The following SLC2A9 variants were observed in gnomAD, a reference collection of about 807,000 sequenced individuals.
SLC2A9 encodes solute carrier family 2, facilitated glucose transporter member 9.
Under a neutral mutation model 50.6 loss-of-function variants are expected in SLC2A9, and 39 were observed. The ratio of observed to expected loss-of-function variants is 0.77; its 90% CI spans 0.60 to 1.01. The LOEUF is 1.01. SLC2A9 is among the 50% of genes least tolerant of loss of function. The pLI is 0.00. For synonymous variants in SLC2A9, 324 were observed against 276.9 expected, an observed-to-expected ratio of 1.17 and a Z score of -1.69; for missense variants, 686 against 677.6, an observed-to-expected ratio of 1.01 and a Z score of -0.14.
intron 7 of SLC2A9, among the ~76,000 whole-genome samples, chr4:9,909,200 T>C (rs1454360058): frequency 1.3e-5 from 2 of 152,356 alleles, no homozygotes; most frequent in Non-Finnish European, 2.9e-5. Context: ...GTTTAGATGC[T>C]GGACCAGGAA....
chr4:9,784,542 A>C (rs941179764), intron 3 of SLC2A9, among the ~76,000 whole-genome samples: 6 of 152,240 alleles, frequency 3.9e-5, no homozygotes, highest in African/African-American at 1.2e-4. Context: ...GGACAATAGC[A>C]AATAGGGAAA....
intron 5 of SLC2A9, among the ~76,000 whole-genome samples, chr4:9,966,370 T>G (rs1753054216): frequency 6.6e-6 from 1 of 152,180 alleles, no homozygotes; most frequent in African/African-American, 2.4e-5. Context: ...ATAAACACAC[T>G]GGAGGCTGGG....
intron 6 of SLC2A9, among the ~76,000 whole-genome samples, chr4:9,926,580 A>C (rs896169304): frequency 1.3e-5 from 2 of 151,870 alleles, no homozygotes; most frequent in Non-Finnish European, 2.9e-5. Flanking sequence ...ACTGTGGGGT[A>C]CTTGCTACAT....
At chr4:9,875,885 T>G (rs1402908820) in intron 10 of SLC2A9, among the ~76,000 whole-genome samples, 1 of 152,200 alleles carries the variant, frequency 6.6e-6, no homozygotes, top group Non-Finnish European at 1.5e-5. Context: ...GCACTGGGCA[T>G]TGCCCTGTAA....
intron 10 of SLC2A9, among the ~76,000 whole-genome samples, chr4:9,886,816 C>A (rs780851461): frequency 6.6e-6 from 1 of 152,278 alleles, no homozygotes; most frequent in Non-Finnish European, 1.5e-5. Flanking sequence ...GCTGGAGGTC[C>A]CTGCTGGACG....
chr4:9,902,165 C>T (rs1416506661), intron 8 of SLC2A9, among the ~76,000 whole-genome samples: 1 of 152,176 alleles, frequency 6.6e-6, no homozygotes, highest in Non-Finnish European at 1.5e-5. Context: ...CAACTGCCCC[C>T]GTCTCTCCAT....
chr4:9,859,850 C>T (rs1422861801), intron 10 of SLC2A9, among the ~76,000 whole-genome samples: 1 of 152,212 alleles, frequency 6.6e-6, no homozygotes, highest in Non-Finnish European at 1.5e-5. Context: ...ACCGGCAGCC[C>T]CAGGTGTGCT....
At chr4:9,787,159 A>G (rs1363572823) in intron 3 of SLC2A9, among the ~76,000 whole-genome samples, 5 of 152,362 alleles carry the variant, frequency 3.3e-5, no homozygotes, top group African/African-American at 1.2e-4. Flanking sequence ...GTATTACACA[A>G]AACACATGCC....
downstream of SLC2A9, among the ~76,000 whole-genome samples, chr4:9,822,600 T>C (rs901035793): frequency 2.6e-5 from 4 of 152,216 alleles, no homozygotes; most frequent in Non-Finnish European, 5.9e-5. Flanking sequence ...TTCTTGCACA[T>C]AGCATATAGA....
At chr4:10,018,874 G>A in intron 2 of SLC2A9, 101 bp downstream of exon 2, 3 of 1,176,924 alleles carry the variant, frequency 2.5e-6, no homozygotes, top group Non-Finnish European at 3.6e-6. Flanking sequence ...GTCCCGCGCC[G>A]CGAGCGCAAC....
At chr4:9,818,447 G>T (rs186381772) in intron 3 of SLC2A9, among the ~76,000 whole-genome samples, 2 of 152,212 alleles carry the variant, frequency 1.3e-5, no homozygotes, top group Non-Finnish European at 1.5e-5. Context: ...TTGCAATAGC[G>T]GAGACAGCTT....
At chr4:9,941,883 G>T in intron 6 of SLC2A9, 30 bp downstream of exon 6, 1 of 1,613,544 alleles carries the variant, frequency 6.2e-7, no homozygotes. Flanking sequence ...GCAGGGGCTG[G>T]AGCTGTGCAG....
intron 10 of SLC2A9, among the ~76,000 whole-genome samples, chr4:9,836,457 C>T (rs1355919983): frequency 2.6e-5 from 4 of 152,046 alleles, no homozygotes; most frequent in South Asian, 2.1e-4. Flanking sequence ...GGATTGAAGA[C>T]GGGAAGGTGG....
At chr4:9,824,197 C>G (rs1228469916), downstream of SLC2A9, among the ~76,000 whole-genome samples, 2 of 152,090 alleles carry the variant, frequency 1.3e-5, no homozygotes, top group Non-Finnish European at 2.9e-5. Flanking sequence ...ACAAACTTAG[C>G]CGCCTCACCA....
chr4:9,913,699 G>C (rs1742329022), intron 7 of SLC2A9, among the ~76,000 whole-genome samples: 1 of 152,176 alleles, frequency 6.6e-6, no homozygotes, highest in Admixed American at 6.5e-5. Flanking sequence ...GGAAGCTGGA[G>C]ATGTGTCTGC....
chr4:9,839,342 T>C (rs1727631305), intron 10 of SLC2A9, among the ~76,000 whole-genome samples: 1 of 152,126 alleles, frequency 6.6e-6, no homozygotes, highest in Non-Finnish European at 1.5e-5. Context: ...TAACAGATAC[T>C]GGCTGGGTTG....
At chr4:9,913,334 A>T (rs143324366) in intron 7 of SLC2A9, among the ~76,000 whole-genome samples, 2,342 of 119,164 alleles carry the variant, frequency 0.02, 38 homozygotes, top group African/African-American at 0.056. Flanking sequence ...TGTGTGTGAG[A>T]GAGAGAGAGA....
intron 3 of SLC2A9, among the ~76,000 whole-genome samples, chr4:9,791,711 A>T (rs1351530451): frequency 6.6e-6 from 1 of 152,120 alleles, no homozygotes; most frequent in African/African-American, 2.4e-5. Flanking sequence ...ACCTGCTAAT[A>T]ATCACATGAG....
At chr4:9,853,733 C>T (rs1011240738) in intron 10 of SLC2A9, among the ~76,000 whole-genome samples, 9 of 151,068 alleles carry the variant, frequency 6.0e-5, no homozygotes, top group African/African-American at 2.2e-4. Context: ...AAATTGACCA[C>T]ACAATTGGCC....
Sources: gnomAD v4.1 joint callset for allele counts (sites outside exome capture counted in the v4.1 genomes callset) on GRCh38, gnomAD v4.1.1 for gene constraint, MANE v1.5 for transcripts, NCBI Gene and HGNC (gene_info 2026-07-23, HGNC 2026-07-21) for gene names.